The following SOX6 variants were observed in gnomAD, a reference collection of about 807,000 sequenced individuals.
The protein encoded by SOX6 is SRY-box transcription factor 6.
A neutral mutation model predicts 97.8 loss-of-function variants in SOX6; 11 were observed. The observed-to-expected ratio is 0.11, with a 90% CI of 0.07 to 0.19. SOX6 has a LOEUF of 0.19. SOX6 is among the 10% of genes least tolerant of loss of function. The pLI, the probability that SOX6 is intolerant of heterozygous loss-of-function variation, is 1.00. For missense variants in SOX6, 810 were observed against 1,039.5 expected (o/e 0.78, Z 3.04); for synonymous variants, 360 against 371.4 (o/e 0.97, Z 0.35).
intron 4 of SOX6, among the ~76,000 whole-genome samples, chr11:16,549,169 T>C (rs1013428181): frequency 6.6e-6 from 1 of 152,022 alleles, no homozygotes; most frequent in Non-Finnish European, 1.5e-5. Context: ...CCAGAATAAC[T>C]AAAAAAAATT....
At chr11:16,496,194 T>C (rs1191718434) in intron 4 of SOX6, among the ~76,000 whole-genome samples, 1 of 151,000 alleles carries the variant, frequency 6.6e-6, no homozygotes, top group Non-Finnish European at 1.5e-5. Flanking sequence ...ATATGACAGG[T>C]CCAATGGAAA....
chr11:16,072,815 C>T (rs2133944429), intron 9 of SOX6, among the ~76,000 whole-genome samples: 1 of 152,220 alleles, frequency 6.6e-6, no homozygotes, highest in African/African-American at 2.4e-5. Context: ...AAGAAATCCT[C>T]ACCATGAATT....
chr11:16,329,742 GT>G (rs1274457284), intron 2 of SOX6, among the ~76,000 whole-genome samples: 2 of 152,130 alleles, frequency 1.3e-5, no homozygotes, highest in Admixed American at 1.3e-4. Context: ...TTAAATGGTG[GT>G]GGTTACAATT....
At chr11:16,088,848 T>C (rs920618124) in intron 9 of SOX6, among the ~76,000 whole-genome samples, 1 of 152,330 alleles carries the variant, frequency 6.6e-6, no homozygotes, top group South Asian at 2.1e-4. Flanking sequence ...TTGCACTTTG[T>C]ATAGTTTGAG....
At chr11:16,133,711 C>T (rs774337866) in intron 6 of SOX6, among the ~76,000 whole-genome samples, 13 of 151,852 alleles carry the variant, frequency 8.6e-5, no homozygotes, top group South Asian at 2.1e-4. Flanking sequence ...TGTTTTGAGA[C>T]GGAGTCTCGC....
chr11:16,141,074 GCT>G (rs1850123689), intron 6 of SOX6, among the ~76,000 whole-genome samples: 1 of 150,848 alleles, frequency 6.6e-6, no homozygotes, highest in East Asian at 2.0e-4. Context: ...AGATTGCACT[GCT>G]GCACTCTAGC....
chr11:16,540,999 G>A (rs1049992437), intron 4 of SOX6, among the ~76,000 whole-genome samples: 1 of 151,962 alleles, frequency 6.6e-6, no homozygotes, highest in East Asian at 1.9e-4. Context: ...ACCAAAAAAG[G>A]GCCCGCATTG....
intron 1 of SOX6, among the ~76,000 whole-genome samples, chr11:16,467,619 A>G (rs1860066645): frequency 6.6e-6 from 1 of 152,208 alleles, no homozygotes; most frequent in South Asian, 2.1e-4. Context: ...GGAACAACAC[A>G]CACTGGGGCT....
rs571307670 is a variant in SOX6, at chr11:16,436,252, T to G, written c.-5+40063A>C. ...TTGCTGTTGGTCACTTCCTTCTTAC[T>G]GAAATTCTCTCCTCTTTTGACTTCC... On this transcript the variant is annotated intron_variant, in intron 1 of 15. Transcript: ENST00000396356. Among the ~76,000 whole-genome samples the G allele has an allele frequency of 6.5e-4, 99 of 152,340 alleles. 1 individual carries two copies. Among genetic ancestry groups the G allele is most frequent in the Middle Eastern group, 3.4e-3 (1 of 294 alleles).
chr11:16,337,164 T>C (rs1856487431), intron 2 of SOX6, among the ~76,000 whole-genome samples: 1 of 152,054 alleles, frequency 6.6e-6, no homozygotes, highest in Admixed American at 6.6e-5. Flanking sequence ...TATCCAGTGA[T>C]GATAATAACT....
intron 3 of SOX6, among the ~76,000 whole-genome samples, chr11:16,287,284 T>TCACACA (rs1471862315): frequency 2.4e-5 from 1 of 41,968 alleles, no homozygotes; most frequent in African/African-American, 6.6e-5. Flanking sequence ...TCTCTCTCTC[T>TCACACA]CTCTCTCTCT....
intron 4 of SOX6, among the ~76,000 whole-genome samples, chr11:16,228,090 CA>C (rs1852736264): frequency 6.6e-6 from 1 of 151,848 alleles, no homozygotes; most frequent in East Asian, 1.9e-4. Context: ...CCCAGCTACT[CA>C]GGAGGCTAAG....
At chr11:16,373,248 A>G (rs1857540399) in intron 1 of SOX6, among the ~76,000 whole-genome samples, 1 of 152,090 alleles carries the variant, frequency 6.6e-6, no homozygotes, top group African/African-American at 2.4e-5. Context: ...ACAAAGGACA[A>G]TTCACGATAT....
At chr11:16,570,567 T>A (rs1435799175) in intron 4 of SOX6, among the ~76,000 whole-genome samples, 1 of 152,192 alleles carries the variant, frequency 6.6e-6, no homozygotes, top group Non-Finnish European at 1.5e-5. Flanking sequence ...CAGCTTCTTG[T>A]GAAGGGTTGA....
chr11:16,102,805 G>A (rs919991744), intron 7 of SOX6, among the ~76,000 whole-genome samples: 1 of 151,880 alleles, frequency 6.6e-6, no homozygotes, highest in Non-Finnish European at 1.5e-5. Flanking sequence ...AAATGATGCT[G>A]GAATAATTGG....
intron 3 of SOX6, among the ~76,000 whole-genome samples, chr11:16,673,542 T>C (rs930470118): frequency 3.9e-5 from 6 of 152,036 alleles, no homozygotes; most frequent in Non-Finnish European, 5.9e-5. Context: ...ATAAAACCTA[T>C]CAAGATTGAG....
chr11:16,359,203 TAAAA>T (rs915147420), upstream of SOX6, among the ~76,000 whole-genome samples: 1 of 145,812 alleles, frequency 6.9e-6, no homozygotes, highest in Non-Finnish European at 1.5e-5. Flanking sequence ...CTGGTGGAAC[TAAAA>T]AAAAAAAGGA....
intron 7 of SOX6, among the ~76,000 whole-genome samples, chr11:16,107,434 T>G (rs1019268351): frequency 6.8e-6 from 1 of 147,942 alleles, no homozygotes; most frequent in African/African-American, 2.5e-5. Flanking sequence ...TATACATATA[T>G]ATACACAATT....
intron 13 of SOX6, among the ~76,000 whole-genome samples, chr11:15,992,456 C>A (rs1271678855): frequency 6.6e-6 from 1 of 152,056 alleles, no homozygotes; most frequent in African/African-American, 2.4e-5. Flanking sequence ...ATTTTTGCCC[C>A]CTTCCTGTCC....
Sources: gnomAD v4.1 joint callset for allele counts (sites outside exome capture counted in the v4.1 genomes callset) on GRCh38, gnomAD v4.1.1 for gene constraint, MANE v1.5 for transcripts, NCBI Gene and HGNC (gene_info 2026-07-23, HGNC 2026-07-21) for gene names.